TOPAZ1: variants seen among roughly 807,000 people sequenced by gnomAD.
The protein encoded by TOPAZ1 is protein TOPAZ1.
TOPAZ1 carries 66 observed loss-of-function variants against 172.2 expected under a neutral mutation model. The observed-to-expected ratio is 0.38, with a 90% confidence interval of 0.31 to 0.47. The LOEUF (loss-of-function observed/expected upper bound fraction) is 0.47, where lower values mean the gene tolerates loss of function less well. Among genes scored for constraint, TOPAZ1 ranks in the 20% least tolerant of loss-of-function variants. TOPAZ1 has a pLI of 0.99. For synonymous variants in TOPAZ1, 681 were observed against 683.9 expected, an observed-to-expected ratio of 1.00 and a Z score of 0.07; for missense variants, 1,822 against 1,972.4, an observed-to-expected ratio of 0.92 and a Z score of 1.44.
In TOPAZ1 at chr3:44,243,409, C is replaced by T. The variant is rs371294532; in HGVS notation, c.903C>T (p.Tyr301=). 6 of 1,551,172 alleles carry T rather than the reference C, an allele frequency of 3.9e-6. No homozygotes were observed. The African/African-American group carries it at 5.5e-5, about 14-fold the overall frequency. Residue 301 remains tyrosine (Y), a synonymous_variant, in exon 2 of 20, where the codon TAC becomes TAT. Coordinates refer to ENST00000309765, the MANE Select transcript of TOPAZ1 (RefSeq NM_001145030.2). ...TACTACCAGAAGAGAGTGATTTATA[C>T]CAAAGTAAAACCAATGGCTTGCTTT... The part of the protein sequence containing the change: ...NKLLPEESDL[Y]QSKTNGLLSC...
intron 8 of TOPAZ1, among the ~76,000 whole-genome samples, chr3:44,276,455 C>T (rs759486113): frequency 6.6e-5 from 10 of 151,874 alleles, no homozygotes; most frequent in African/African-American, 9.7e-5. Context: ...ATGTTCTTGG[C>T]GCCTTTGTCA....
chr3:44,281,942 T>G, intron 8 of TOPAZ1, 26 bp from the exon 9 acceptor site: 1 of 1,437,412 alleles, frequency 7.0e-7, no homozygotes, highest in Non-Finnish European at 9.5e-7. Context: ...AAAAAGGTAG[T>G]TTTACATTTT....
rs1350897826 is a variant in TOPAZ1, at chr3:44,255,134, A to G, written c.2827+105A>G. 7.1e-5 allele frequency: 55 copies of G among 773,440 alleles called. 1 individual carries two copies. The East Asian group carries it at 1.5e-3, about 20-fold the overall frequency. The allele number at this position is 773,440 out of a possible 1,614,324, so 47.9% of individuals were successfully genotyped here. On this transcript the variant is annotated intron_variant, in intron 3 of 19. Coordinates refer to ENST00000309765, the MANE Select transcript of TOPAZ1 (RefSeq NM_001145030.2). Reference sequence around the variant, plus strand: ...ACTAGAACAAGAAGCTTTTCATTTTAGGGTCTGTTGACCATATGTTTTATA... The same window carrying G: ...ACTAGAACAAGAAGCTTTTCATTTTGGGGTCTGTTGACCATATGTTTTATA...
intron 4 of TOPAZ1, among the ~76,000 whole-genome samples, chr3:44,259,742 A>G (rs1195085043): frequency 1.3e-5 from 2 of 152,186 alleles, no homozygotes; most frequent in African/African-American, 2.4e-5. Context: ...ACACTAATTC[A>G]TTATTAATTT....
chr3:44,254,981 C>G lies in TOPAZ1; in HGVS notation c.2779C>G (p.Leu927Val). The G allele has an allele frequency of 1.3e-6, 2 of 1,551,198 alleles. No homozygotes were observed. Among genetic ancestry groups the G allele is most frequent in the Non-Finnish European group, 1.7e-6 (2 of 1,146,520 alleles). Residue 927 changes from leucine (L) to valine (V), a missense_variant, in exon 3 of 20, where the codon CTG (leucine) becomes GTG (valine). Leu to Val is a conservative substitution (Grantham distance 32, BLOSUM62 1). Coordinates refer to ENST00000309765, the MANE Select transcript of TOPAZ1 (RefSeq NM_001145030.2). The stretch of plus-strand genomic sequence containing the variant: ...GCTTTATAATAGAGAACTTCCTGTA[C>G]TGGACTGTGGATGGATAAAGCCAGA... ...PSDDLRELPV[L>V]DCGWIKPDIC...
In TOPAZ1 at chr3:44,244,993, C is replaced by T; in HGVS notation, c.2487C>T (p.Phe829=). Residue 829 remains phenylalanine (F), a synonymous_variant, in exon 2 of 20, where the codon TTC becomes TTT. Coordinates refer to ENST00000309765, the MANE Select transcript of TOPAZ1 (RefSeq NM_001145030.2). ...PSFCCNEQET[F]RPVSSEVRGR... ...TCTGCTGTAATGAACAAGAAACATT[C>T]CGACCAGTGTCCAGTGAAGTTAGGG... 6.4e-7 allele frequency: 1 copy of T among 1,551,662 alleles called. No homozygotes were observed. The highest frequency in any genetic ancestry group is 8.7e-7 in the Non-Finnish European group (1 of 1,146,994).
intron 18 of TOPAZ1, among the ~76,000 whole-genome samples, chr3:44,325,832 G>A (rs569976327): frequency 2.0e-5 from 3 of 152,130 alleles, no homozygotes; most frequent in East Asian, 3.9e-4. Flanking sequence ...TAGTAGAGAT[G>A]GGGTTTCACC....
chr3:44,262,759 T>G (rs1326962542), intron 5 of TOPAZ1, among the ~76,000 whole-genome samples: 2 of 152,250 alleles, frequency 1.3e-5, no homozygotes, highest in African/African-American at 4.8e-5. Context: ...GTTTGACTTT[T>G]ATGAAGATAT....
At chr3:44,335,678 A>T (rs2171575), downstream of TOPAZ1, among the ~76,000 whole-genome samples, 70,456 of 151,774 alleles carry the variant, frequency 0.46, 18,282 homozygotes, top group East Asian at 0.81. Flanking sequence ...TTGGGCTAAG[A>T]CTCCCAAAGC....
At position 44,241,963 on chromosome 3, in the gene TOPAZ1, G is replaced by A. The variant is rs1433621879; in HGVS notation, c.-91G>A. The A allele has an allele frequency of 2.4e-6, 3 of 1,248,650 alleles. 1 individual carries two copies. Among genetic ancestry groups the A allele is most frequent in the African/African-American group, 3.0e-5 (2 of 65,592 alleles). The allele number at this position is 1,248,650 out of a possible 1,614,324, so 77.3% of individuals were successfully genotyped here. ...GCGGTGTGGGGTGGGTCAGAGGGCA[G>A]TAGGTACCTCCAGGCGGGAGCAGCG... On this transcript the variant is annotated 5_prime_UTR_variant, in exon 1 of 20. Transcript: ENST00000309765.
intron 12 of TOPAZ1, among the ~76,000 whole-genome samples, chr3:44,295,195 C>G (rs937341489): frequency 6.6e-6 from 1 of 151,976 alleles, no homozygotes; most frequent in Non-Finnish European, 1.5e-5. Flanking sequence ...CTCAGCAATC[C>G]CAATTCTACA....
At chr3:44,266,090 A>G (rs1335027574) in intron 5 of TOPAZ1, among the ~76,000 whole-genome samples, 2 of 152,200 alleles carry the variant, frequency 1.3e-5, no homozygotes, top group Non-Finnish European at 2.9e-5. Flanking sequence ...TCTATGTTAC[A>G]GAGATGATTT....
At chr3:44,245,331 T>G in intron 2 of TOPAZ1, 60 bp downstream of exon 2, 1 of 1,444,656 alleles carries the variant, frequency 6.9e-7, no homozygotes, top group Non-Finnish European at 9.1e-7. Flanking sequence ...AAGCAGTCTC[T>G]TAAGTTTCAC....
intron 2 of TOPAZ1, among the ~76,000 whole-genome samples, chr3:44,253,228 G>A (rs925062753): frequency 2.6e-5 from 4 of 152,132 alleles, no homozygotes; most frequent in Admixed American, 2.6e-4. Flanking sequence ...GACCTTCCTA[G>A]GCAAACTAGA....
chr3:44,318,550 C>T (rs978900511), intron 16 of TOPAZ1, among the ~76,000 whole-genome samples: 12 of 151,888 alleles, frequency 7.9e-5, no homozygotes, highest in Non-Finnish European at 1.0e-4. Flanking sequence ...TTAGTCCCAA[C>T]AACTCAGAAT....
intron 16 of TOPAZ1, among the ~76,000 whole-genome samples, chr3:44,311,263 CTT>C (rs1700395334): frequency 2.0e-5 from 3 of 152,136 alleles, no homozygotes; most frequent in Admixed American, 6.6e-5. Context: ...TAAAGGTATT[CTT>C]CAACTTAAAC....
At chr3:44,314,973 T>G (rs994290111) in intron 16 of TOPAZ1, among the ~76,000 whole-genome samples, 1 of 152,142 alleles carries the variant, frequency 6.6e-6, no homozygotes, top group African/African-American at 2.4e-5. Context: ...CTCAAGTCGC[T>G]CCCCCACTGC....
chr3:44,244,397 AAAGCTAGAGGAAATT>A lies in TOPAZ1; in HGVS notation c.1892_1906del (p.Lys631_Leu636delinsIle). The A allele has an allele frequency of 6.4e-7, 1 of 1,551,204 alleles. No homozygotes were observed. The highest frequency in any genetic ancestry group is 8.7e-7 in the Non-Finnish European group (1 of 1,146,856). ...TCAAAGCTTAACGGGAAATAAAAAA[AAAGCTAGAGGAAATT>A]TAACGAAACTTAATTTGACAGCGAC... On this transcript the variant is annotated inframe_deletion, in exon 2 of 20. Transcript: ENST00000309765.
At position 44,332,005 on chromosome 3, in the gene TOPAZ1, C is replaced by T. The variant is rs1360140907; in HGVS notation, c.5073C>T (p.Asn1691=). The part of the protein sequence containing the change: ...KWAGKVWLFS[N]H The stretch of plus-strand genomic sequence containing the variant: ...CTGGAAAGGTTTGGCTTTTCAGTAA[C>T]CATTAGCTAATAAAGTCTGCTTTTT... Residue 1691 remains asparagine (N), a synonymous_variant, in exon 20 of 20, where the codon AAC becomes AAT. Transcript: ENST00000309765. 1 of 1,531,058 alleles carries T rather than the reference C, an allele frequency of 6.5e-7. No homozygotes were observed. The highest frequency in any genetic ancestry group is 1.2e-5 in the South Asian group (1 of 81,536). The allele number at this position is 1,531,058 out of a possible 1,614,324, so 94.8% of individuals were successfully genotyped here.
Sources: allele counts gnomAD v4.1 joint callset (sites outside exome capture counted in the v4.1 genomes callset), GRCh38; gene constraint gnomAD v4.1.1; transcripts MANE v1.5; gene names NCBI Gene and HGNC (gene_info 2026-07-23, HGNC 2026-07-21).